B3GALT1: variants seen among roughly 807,000 people sequenced by gnomAD.
B3GALT1 encodes the protein UDP-Gal:betaGlcNAc beta 1,3-galactosyltransferase, polypeptide 1.
In B3GALT1, 10 loss-of-function variants were observed where a neutral mutation model predicts 23.2. The ratio of observed to expected loss-of-function variants is 0.43; its 90% CI spans 0.27 to 0.73. The LOEUF (loss-of-function observed/expected upper bound fraction) is 0.73, where lower values mean the gene tolerates loss of function less well. Ranked by LOEUF, B3GALT1 falls within the 30% of genes least tolerant of loss-of-function variation. The probability of loss-of-function intolerance (pLI) is 0.21; values close to 1 mark genes in which losing one functional copy is unlikely to be tolerated. For synonymous variants in B3GALT1, 156 were observed against 141.5 expected, an observed-to-expected ratio of 1.10 and a Z score of -0.73; for missense variants, 299 against 405.4, an observed-to-expected ratio of 0.74 and a Z score of 2.25.
intron 3 of B3GALT1, among the ~76,000 whole-genome samples, chr2:167,808,588 C>T (rs190376192): frequency 0.036 from 5,481 of 151,908 alleles, 383 homozygotes; most frequent in African/African-American, 0.13. Context: ...AAATTCTTTT[C>T]TTTAAGAATA....
At chr2:167,355,516 TAC>T (rs1697386745) in intron 1 of B3GALT1, among the ~76,000 whole-genome samples, 1 of 152,280 alleles carries the variant, frequency 6.6e-6, no homozygotes, top group East Asian at 1.9e-4. Flanking sequence ...TGTCTAGAAA[TAC>T]AGTCTTACTT....
chr2:167,549,029 C>T (rs1683700387), intron 2 of B3GALT1, among the ~76,000 whole-genome samples: 1 of 152,114 alleles, frequency 6.6e-6, no homozygotes, highest in African/African-American at 2.4e-5. Context: ...TATGTGTTGA[C>T]TATCCAAATA....
chr2:167,701,130 C>CGTG (rs1373247136), intron 3 of B3GALT1, among the ~76,000 whole-genome samples: 1 of 152,126 alleles, frequency 6.6e-6, no homozygotes, highest in African/African-American at 2.4e-5. Context: ...CTGAAACCAC[C>CGTG]TCACTCAGCA....
At chr2:167,837,121 A>G (rs1255156583) in intron 4 of B3GALT1, among the ~76,000 whole-genome samples, 3 of 152,238 alleles carry the variant, frequency 2.0e-5, no homozygotes, top group Non-Finnish European at 2.9e-5. Context: ...TGCATCAACT[A>G]AGGAGCAAAA....
intron 2 of B3GALT1, among the ~76,000 whole-genome samples, chr2:167,539,926 T>C (rs1217816545): frequency 1.3e-5 from 2 of 152,148 alleles, no homozygotes; most frequent in Non-Finnish European, 2.9e-5. Context: ...TTTTTTTCTC[T>C]CTAACAGTTA....
intron 1 of B3GALT1, among the ~76,000 whole-genome samples, chr2:167,381,612 C>T (rs73021714): frequency 0.02 from 3,097 of 152,168 alleles, 109 homozygotes; most frequent in African/African-American, 0.071. Flanking sequence ...TAAGTGATAC[C>T]TAAATGCTGT....
At chr2:167,695,211 C>T (rs764351475) in intron 3 of B3GALT1, among the ~76,000 whole-genome samples, 7 of 152,138 alleles carry the variant, frequency 4.6e-5, no homozygotes, top group African/African-American at 7.2e-5. Flanking sequence ...TCAGTTCACT[C>T]TGGGATGACA....
At chr2:167,845,331 C>G (rs1574298029) in intron 4 of B3GALT1, among the ~76,000 whole-genome samples, 1 of 152,328 alleles carries the variant, frequency 6.6e-6, no homozygotes, top group Non-Finnish European at 1.5e-5. Context: ...AGAACCGTCA[C>G]AGAGTCCATT....
chr2:167,583,526 A>G (rs1016761838), intron 2 of B3GALT1, among the ~76,000 whole-genome samples: 16 of 152,102 alleles, frequency 1.1e-4, no homozygotes, highest in African/African-American at 3.4e-4. Flanking sequence ...TACAAACATT[A>G]TATCTGTTAC....
At chr2:167,512,622 G>GTATATA (rs1491336747) in intron 2 of B3GALT1, among the ~76,000 whole-genome samples, 9 of 42,380 alleles carry the variant, frequency 2.1e-4, no homozygotes, top group African/African-American at 1.7e-3. Flanking sequence ...ATATATATAC[G>GTATATA]TGTATATATA....
intron 1 of B3GALT1, among the ~76,000 whole-genome samples, chr2:167,310,879 A>T (rs1377091248): frequency 2.0e-5 from 3 of 151,680 alleles, no homozygotes; most frequent in African/African-American, 7.3e-5. Context: ...GAAGTTATTT[A>T]TTTTTTTTGC....
At chr2:167,435,989 A>G (rs201317483) in intron 1 of B3GALT1, among the ~76,000 whole-genome samples, 53 of 106,072 alleles carry the variant, frequency 5.0e-4, no homozygotes, top group African/African-American at 2.9e-3. Flanking sequence ...ACACGCACAC[A>G]CACACACGCA....
At position 167,807,683 on chromosome 2, in the gene B3GALT1, T is replaced by C. The variant is rs139110330; in HGVS notation, c.-351-10989T>C. ...GATTGCACTGTGGTCTGAAACACAG[T>C]TTGTTATAATTTCTGTTCTTTTACA... On this transcript the variant is annotated intron_variant, in intron 3 of 4. Transcript: ENST00000392690. Among the ~76,000 whole-genome samples the C allele has an allele frequency of 5.4e-3, 820 of 152,322 alleles. 8 individuals carry two copies. The highest frequency in any genetic ancestry group is 0.019 in the African/African-American group (771 of 41,570).
intron 1 of B3GALT1, among the ~76,000 whole-genome samples, chr2:167,471,932 A>C (rs1699423380): frequency 6.6e-6 from 1 of 152,146 alleles, no homozygotes. Flanking sequence ...GAGCAGAGGG[A>C]TAGTGTGAAA....
At position 167,860,867 on chromosome 2, in the gene B3GALT1, C is replaced by CT. The variant is rs146576151; in HGVS notation, c.-229-7931dup. On this transcript the variant is annotated intron_variant, in intron 4 of 4. Coordinates refer to ENST00000392690, the MANE Select transcript of B3GALT1 (RefSeq NM_020981.4). ...AGGAAAAGAATCTCAACTGGCTTTT[C>CT]TTTTTTTTTTTTTCATCTAAAAATA... 1.5e-3 allele frequency among the ~76,000 whole-genome samples: 223 copies of CT among 144,206 alleles called. 2 individuals carry two copies. Among genetic ancestry groups the CT allele is most frequent in the African/African-American group, 2.7e-3 (108 of 39,442 alleles). 94.6% of individuals were successfully genotyped at this position (144,206 alleles called of 152,430 possible). A position where few individuals can be genotyped will look rare whatever the true frequency, so the allele number is the denominator to read the frequency against.
chr2:167,538,086 G>C (rs1574125628), intron 2 of B3GALT1, among the ~76,000 whole-genome samples: 1 of 152,086 alleles, frequency 6.6e-6, no homozygotes, highest in Non-Finnish European at 1.5e-5. Flanking sequence ...GCCTCCCAAA[G>C]TGCTGGGATT....
chr2:167,687,784 A>G (rs1010660643), intron 3 of B3GALT1, among the ~76,000 whole-genome samples: 3 of 152,154 alleles, frequency 2.0e-5, no homozygotes, highest in Non-Finnish European at 2.9e-5. Flanking sequence ...TTGACTATTC[A>G]TATGAGAAAC....
At chr2:167,814,285 A>G (rs377617842) in intron 3 of B3GALT1, among the ~76,000 whole-genome samples, 3 of 152,268 alleles carry the variant, frequency 2.0e-5, no homozygotes, top group African/African-American at 7.2e-5. Context: ...TTTTCATGGG[A>G]GCTTAGTTGC....
chr2:167,372,147 T>C (rs1368341504), intron 1 of B3GALT1, among the ~76,000 whole-genome samples: 1 of 151,964 alleles, frequency 6.6e-6, no homozygotes, highest in Non-Finnish European at 1.5e-5. Context: ...ATACCATGGT[T>C]ATGTGGGATT....
Sources: gnomAD v4.1 joint callset for allele counts (sites outside exome capture counted in the v4.1 genomes callset) on GRCh38, gnomAD v4.1.1 for gene constraint, MANE v1.5 for transcripts, NCBI Gene and HGNC (gene_info 2026-07-23, HGNC 2026-07-21) for gene names.